DLG2: variants seen among roughly 807,000 people sequenced by gnomAD.
The protein encoded by DLG2 is disks large homolog 2.
In DLG2, 45 loss-of-function variants were observed where a neutral mutation model predicts 132.5. That is an observed-to-expected ratio of 0.34 (90% CI 0.27 to 0.44). The LOEUF is 0.44. Ranked by LOEUF, DLG2 falls within the 20% of genes least tolerant of loss-of-function variation. The pLI is 1.00. For missense variants in DLG2, 1,045 were observed against 1,196.9 expected (o/e 0.87, Z 1.87); for synonymous variants, 424 against 419.6 (o/e 1.01, Z -0.13).
At chr11:84,133,608 TGAGA>T (rs1170703392) in intron 9 of DLG2, among the ~76,000 whole-genome samples, 1 of 141,376 alleles carries the variant, frequency 7.1e-6, no homozygotes, top group Non-Finnish European at 1.5e-5. Context: ...TTGGATCTCT[TGAGA>T]GAGAATAATT....
At chr11:85,034,008 T>C (rs1004605594) in intron 6 of DLG2, among the ~76,000 whole-genome samples, 2 of 151,950 alleles carry the variant, frequency 1.3e-5, no homozygotes, top group African/African-American at 4.8e-5. Flanking sequence ...ACTTTGGGGG[T>C]TCACTGTTCT....
chr11:84,690,326 T>C (rs2057881379), intron 6 of DLG2, among the ~76,000 whole-genome samples: 1 of 151,934 alleles, frequency 6.6e-6, no homozygotes, highest in Non-Finnish European at 1.5e-5. Context: ...ATGGATATGT[T>C]ATTTAACATA....
intron 3 of DLG2, among the ~76,000 whole-genome samples, chr11:85,551,096 C>A (rs1214531914): frequency 3.3e-5 from 5 of 152,106 alleles, no homozygotes; most frequent in Non-Finnish European, 7.4e-5. Flanking sequence ...GTGAGGTAAA[C>A]CAGATATATG....
At chr11:84,563,488 T>C (rs900421460) in intron 6 of DLG2, among the ~76,000 whole-genome samples, 1 of 152,170 alleles carries the variant, frequency 6.6e-6, no homozygotes, top group Non-Finnish European at 1.5e-5. Context: ...ATGCTTTTTT[T>C]CAGAACCTGG....
chr11:84,126,828 T>C (rs557194552), intron 9 of DLG2, among the ~76,000 whole-genome samples: 1 of 152,314 alleles, frequency 6.6e-6, no homozygotes, highest in East Asian at 1.9e-4. Context: ...AAACTACACA[T>C]TTTTGGGGTA....
chr11:83,968,963 A>G (rs952645794), intron 12 of DLG2, among the ~76,000 whole-genome samples: 3 of 152,204 alleles, frequency 2.0e-5, no homozygotes, highest in African/African-American at 7.2e-5. Flanking sequence ...CCTTAATAAT[A>G]CAGAAATAAC....
intron 19 of DLG2, among the ~76,000 whole-genome samples, chr11:83,594,779 T>A (rs2057277204): frequency 6.6e-6 from 1 of 152,186 alleles, no homozygotes; most frequent in Non-Finnish European, 1.5e-5. Flanking sequence ...CAATACTTGG[T>A]CTTGGAAGGT....
intron 18 of DLG2, among the ~76,000 whole-genome samples, chr11:83,743,707 T>A (rs1224780754): frequency 6.6e-6 from 1 of 152,070 alleles, no homozygotes; most frequent in Non-Finnish European, 1.5e-5. Context: ...GTGGGGAGAT[T>A]ACAGGCATGA....
At chr11:85,241,825 G>T (rs547525817) in intron 4 of DLG2, among the ~76,000 whole-genome samples, 1 of 151,962 alleles carries the variant, frequency 6.6e-6, no homozygotes, top group South Asian at 2.1e-4. Flanking sequence ...TGTAATTAAG[G>T]TTTGTGAGTT....
At chr11:84,456,733 C>T (rs564067418) in intron 7 of DLG2, among the ~76,000 whole-genome samples, 3 of 151,304 alleles carry the variant, frequency 2.0e-5, no homozygotes, top group South Asian at 2.1e-4. Context: ...CTTCTAACAG[C>T]GTATTTCACT....
At chr11:83,938,551 A>G (rs1591444828) in intron 14 of DLG2, among the ~76,000 whole-genome samples, 2 of 152,218 alleles carry the variant, frequency 1.3e-5, no homozygotes, top group African/African-American at 4.8e-5. Flanking sequence ...TCCATAGTTG[A>G]TAAGAAGTTA....
intron 8 of DLG2, among the ~76,000 whole-genome samples, chr11:84,236,073 G>A (rs888024277): frequency 2.0e-5 from 3 of 149,556 alleles, no homozygotes; most frequent in Admixed American, 6.7e-5. Flanking sequence ...AACAACTAAG[G>A]CTCAGAGAGC....
At chr11:85,560,745 G>A (rs867738631) in intron 3 of DLG2, among the ~76,000 whole-genome samples, 2 of 151,726 alleles carry the variant, frequency 1.3e-5, no homozygotes, top group African/African-American at 4.8e-5. Flanking sequence ...AAAGTGCTGT[G>A]AGCTGGCTAG....
intron 7 of DLG2, among the ~76,000 whole-genome samples, chr11:84,385,508 C>A (rs2098766269): frequency 6.6e-6 from 1 of 152,046 alleles, no homozygotes; most frequent in African/African-American, 2.4e-5. Context: ...TTTCTTTCCA[C>A]AGATATTTAG....
chr11:84,132,799 A>G (rs1359898081), intron 9 of DLG2, among the ~76,000 whole-genome samples: 1 of 152,032 alleles, frequency 6.6e-6, no homozygotes, highest in Non-Finnish European at 1.5e-5. Context: ...TCTTTGAGGG[A>G]GTAATGGTTA....
At chr11:84,524,136 T>C (rs2099313024) in intron 7 of DLG2, among the ~76,000 whole-genome samples, 1 of 152,194 alleles carries the variant, frequency 6.6e-6, no homozygotes, top group Non-Finnish European at 1.5e-5. Flanking sequence ...AATATCATAA[T>C]GCTTTAAGAA....
chr11:84,985,436 T>C (rs1384517880), intron 6 of DLG2, among the ~76,000 whole-genome samples: 2 of 151,938 alleles, frequency 1.3e-5, no homozygotes, highest in South Asian at 2.1e-4. Context: ...TGAACAACAA[T>C]AGTGACACAA....
At chr11:84,011,156 G>A (rs904945249) in intron 11 of DLG2, among the ~76,000 whole-genome samples, 1 of 152,022 alleles carries the variant, frequency 6.6e-6, no homozygotes, top group African/African-American at 2.4e-5. Flanking sequence ...TGTATTTAAA[G>A]GATACAATAA....
At chr11:83,583,364 G>C (rs189568521) in intron 19 of DLG2, among the ~76,000 whole-genome samples, 16 of 152,166 alleles carry the variant, frequency 1.1e-4, no homozygotes, top group Non-Finnish European at 2.4e-4. Flanking sequence ...CTGCAAGCCC[G>C]GGCATTGCCC....
Sources: allele counts gnomAD v4.1 joint callset (sites outside exome capture counted in the v4.1 genomes callset), GRCh38; gene constraint gnomAD v4.1.1; transcripts MANE v1.5; gene names NCBI Gene and HGNC (gene_info 2026-07-23, HGNC 2026-07-21).